The following WNK4 variants were observed in gnomAD, a reference collection of about 807,000 sequenced individuals.
WNK4 encodes the protein WNK lysine deficient protein kinase 4.
A neutral mutation model predicts 116.2 loss-of-function variants in WNK4; 94 were observed. The observed-to-expected ratio is 0.81, with a 90% CI of 0.68 to 0.96. The LOEUF is 0.96. WNK4 is among the 40% of genes least tolerant of loss of function. WNK4 has a pLI of 0.00. For missense variants in WNK4, 1,542 were observed against 1,650.6 expected (o/e 0.93, Z 1.14); for synonymous variants, 655 against 672.7 (o/e 0.97, Z 0.41).
In WNK4 at chr17:42,784,602, G is replaced by A; in HGVS notation, c.1170+23G>A. 1 of 1,613,904 alleles carries A rather than the reference G, an allele frequency of 6.2e-7. No homozygotes were observed. Among genetic ancestry groups the A allele is most frequent in the Non-Finnish European group, 8.5e-7 (1 of 1,179,994 alleles). On this transcript the variant is annotated intron_variant, in intron 4 of 18. Coordinates refer to ENST00000246914, the MANE Select transcript of WNK4 (RefSeq NM_032387.5). This position sits in a 1 kb window ranked among gnomAD's most constrained non-coding sequence, Gnocchi z 4.4. The stretch of plus-strand genomic sequence containing the variant: ...TCGGTGAGAGGGATGGGGCTGGCGG[G>A]AAAGGCAATTCCAGGGCCACTTCCC...
chr17:42,783,010 A>C (rs903364931), intron 2 of WNK4, 80 bp downstream of exon 2: 1 of 1,548,006 alleles, frequency 6.5e-7, no homozygotes, highest in Non-Finnish European at 8.8e-7. Context: ...AGGCTCCTCA[A>C]ACTCTCTAAT....
chr17:42,796,848 A>G lies in WNK4; in HGVS notation c.*160A>G. On this transcript the variant is annotated 3_prime_UTR_variant, in exon 19 of 19. Transcript: ENST00000246914. ...GGCATGGAGAGTGCAGCTCCATTATAGTGAAGAGCCAAACATATGTGAACT... is the reference window on the plus strand; with the variant it reads ...GGCATGGAGAGTGCAGCTCCATTATGGTGAAGAGCCAAACATATGTGAACT... 2 of 1,427,612 alleles carry G rather than the reference A, an allele frequency of 1.4e-6. No homozygotes were observed. Among genetic ancestry groups the G allele is most frequent in the Non-Finnish European group, 1.9e-6 (2 of 1,029,802 alleles). 88.4% of individuals were successfully genotyped at this position (1,427,612 alleles called of 1,614,324 possible). A position where few individuals can be genotyped will look rare whatever the true frequency, so the allele number is the denominator to read the frequency against.
In WNK4 at chr17:42,780,889, C is replaced by T; in HGVS notation, c.191C>T (p.Ser64Leu). The T allele has an allele frequency of 1.2e-6, 2 of 1,606,422 alleles. No individual in the cohort carries two copies. The highest frequency in any genetic ancestry group is 1.7e-6 in the Non-Finnish European group (2 of 1,179,614). ...PRSSRLSRRS[S>L]VDLGLLSSWS... ...TCTTCTCGTCTCAGCCGCCGTAGCT[C>T]AGTCGACTTGGGGCTGCTGAGCTCT... Residue 64 changes from serine to leucine, a missense_variant, in exon 1 of 19, where the codon TCA (serine) becomes TTA (leucine). Physicochemically the swap from Ser to Leu is moderately radical, Grantham distance 145. Coordinates refer to ENST00000246914, the MANE Select transcript of WNK4 (RefSeq NM_032387.5).
chr17:42,788,247 G>A (rs2054573003), intron 9 of WNK4, 43 bp from the exon 10 acceptor site: 3 of 1,613,796 alleles, frequency 1.9e-6, no homozygotes, highest in Middle Eastern at 3.3e-4. Flanking sequence ...TGGGGTCCCA[G>A]TGTCTGCTCT....
At chr17:42,783,900 C>T (rs930832545) in intron 2 of WNK4, 37 bp from the exon 3 acceptor site, 36 of 1,581,520 alleles carry the variant, frequency 2.3e-5, no homozygotes, top group Non-Finnish European at 3.0e-5. Flanking sequence ...GAGGACGTGT[C>T]CCCCCACCAG....
In WNK4 at chr17:42,782,890, G is replaced by T. The variant is rs926556695; in HGVS notation, c.751G>T (p.Val251Leu). ...GGTGCTGAGGGGCCAGGTTTGCATC[G>T]TGCTGGTCACCGAACTCATGACCTC... ...KSVLRGQVCI[V>L]LVTELMTSGT... Residue 251 changes from valine (V) to leucine (L), a missense_variant, in exon 2 of 19, where the codon GTG (valine) becomes TTG (leucine). By Grantham distance (32) the Val-to-Leu change is conservative (BLOSUM62 1). Around this residue, in one of 7 missense-constraint regions of WNK4, gnomAD observed 808 missense variants for 873.6 expected, o/e 0.92. Transcript: ENST00000246914. The surrounding 1 kb of genome is among the most constrained non-coding windows in gnomAD (Gnocchi z 4.2). 22 of 1,614,050 alleles carry T rather than the reference G, an allele frequency of 1.4e-5. No individual in the cohort carries two copies. Among genetic ancestry groups the T allele is most frequent in the Non-Finnish European group, 1.9e-5 (22 of 1,180,042 alleles).
In WNK4 at chr17:42,782,419, AGCCCCCGGGTGCCCCCTCCC is replaced by A. The variant is rs1402540804; in HGVS notation, c.619-333_619-314del. ...GCCCGCCTGCTGCCTGCTCACTGCC[AGCCCCCGGGTGCCCCCTCCC>A]GCCCCATGGCCGGCCTGGGCAGCCA... On this transcript the variant is annotated intron_variant, in intron 1 of 18. Coordinates refer to ENST00000246914, the MANE Select transcript of WNK4 (RefSeq NM_032387.5). The surrounding 1 kb of genome is among the most constrained non-coding windows in gnomAD (Gnocchi z 4.2). Among the ~76,000 whole-genome samples, 1 of 151,702 alleles carries A rather than the reference AGCCCCCGGGTGCCCCCTCCC, an allele frequency of 6.6e-6. No individual in the cohort carries two copies. Among genetic ancestry groups the A allele is most frequent in the Non-Finnish European group, 1.5e-5 (1 of 68,002 alleles).
At chr17:42,785,621 C>A in intron 6 of WNK4, 139 bp downstream of exon 6, 2 of 1,091,824 alleles carry the variant, frequency 1.8e-6, no homozygotes, top group Non-Finnish European at 1.3e-6. Flanking sequence ...TCTCCTGCAG[C>A]GTCTCCCTAC....
chr17:42,788,449 C>A, intron 10 of WNK4, 42 bp downstream of exon 10: 2 of 1,594,270 alleles, frequency 1.3e-6, no homozygotes, highest in Non-Finnish European at 1.7e-6. Flanking sequence ...CCTACAGGGC[C>A]AGGAGGGAAG....
intron 11 of WNK4, 90 bp from the exon 12 acceptor site, chr17:42,793,502 G>A (rs1202915515): frequency 3.5e-5 from 55 of 1,572,038 alleles, no homozygotes; most frequent in Non-Finnish European, 4.5e-5. Context: ...GAGCCACCGC[G>A]CCCAGCCTGA....
At chr17:42,786,415 T>C (rs2054549929) in intron 6 of WNK4, among the ~76,000 whole-genome samples, 1 of 152,058 alleles carries the variant, frequency 6.6e-6, no homozygotes, top group Non-Finnish European at 1.5e-5. Context: ...TTGGGAGTAA[T>C]GGAGTCTCAC....
rs772978517 is a variant in WNK4, at chr17:42,796,732, C to T, written c.*44C>T. ...GTATCTCCCCCACACCAGGGCCCAC[C>T]ATGGAGCTTGTGTTCTCAGAATCTG... On this transcript the variant is annotated 3_prime_UTR_variant, in exon 19 of 19. Coordinates refer to ENST00000246914, the MANE Select transcript of WNK4 (RefSeq NM_032387.5). 5 of 1,614,076 alleles carry T rather than the reference C, an allele frequency of 3.1e-6. No homozygotes were observed. The highest frequency in any genetic ancestry group is 1.1e-5 in the South Asian group (1 of 91,092).
intron 6 of WNK4, among the ~76,000 whole-genome samples, chr17:42,787,000 A>G (rs925324121): frequency 7.2e-5 from 11 of 152,212 alleles, no homozygotes; most frequent in African/African-American, 2.7e-4. Context: ...ATAGTGCCAA[A>G]CATCTCTTCT....
In WNK4 at chr17:42,795,890, TG is replaced by T. The variant is rs1315191413; in HGVS notation, c.3293del (p.Gly1098AlafsTer6). The T allele has an allele frequency of 5.6e-6, 9 of 1,611,524 alleles. No individual in the cohort carries two copies. Among genetic ancestry groups the T allele is most frequent in the Admixed American group, 1.7e-5 (1 of 59,900 alleles). ...EGDDGKEPQV[G>X]GSPQPLSHPS... ...GAGATGATGGGAAGGAACCCCAAGT[TG>T]GGGGCAGCCCCCAACCCCTGAGCCA... On this transcript the variant is annotated frameshift_variant, in exon 16 of 19. Transcript: ENST00000246914. LOFTEE classifies it high-confidence loss of function.
At chr17:42,793,452 C>T (rs955843880) in intron 11 of WNK4, 140 bp from the exon 12 acceptor site, 20 of 1,109,022 alleles carry the variant, frequency 1.8e-5, no homozygotes, top group African/African-American at 9.3e-5. Context: ...TCAGGTGATC[C>T]GCCCGCCTCG....
Position 42,785,123 on chromosome 17 carries a change from G to A in WNK4, c.1197G>A (p.Lys399=), listed in dbSNP as rs183280336. The change falls in exon 5 of 19, where the codon AAG becomes AAA. Residue 399 remains lysine, a synonymous_variant. Transcript: ENST00000246914. ...TSGRKPNSFH[K]VKIPEVKEII... is the part of the protein sequence containing the mutation. ...GCAGAAAGCCGAACAGCTTCCACAA[G>A]GTGAAGATACCCGAGGTGAAGGAGA... 19 of 1,613,828 alleles carry A rather than the reference G, an allele frequency of 1.2e-5. No homozygotes were observed. The highest frequency in any genetic ancestry group is 1.5e-5 in the Non-Finnish European group (18 of 1,179,936).
Position 42,788,784 on chromosome 17 carries a change from T to C in WNK4, c.2144T>C (p.Ile715Thr), listed in dbSNP as rs1441214473. The part of the protein sequence containing the change: ...FDLDGDSPEE[I>T]AAAMVYNEFI... The stretch of plus-strand genomic sequence containing the variant: ...CTGGATGGGGACAGCCCGGAAGAGA[T>C]TGCAGCTGCCATGGTGAGGGGGAGA... The change falls in exon 11 of 19, where the codon ATT becomes ACT. Residue 715 changes from isoleucine (I) to threonine (T), a missense_variant. Physicochemically the swap from Ile to Thr is moderately conservative, Grantham distance 89 (BLOSUM62 -1). This residue lies in a region of WNK4 where 808 missense variants were observed against 873.6 expected (regional missense o/e 0.92). Coordinates refer to ENST00000246914, the MANE Select transcript of WNK4 (RefSeq NM_032387.5). The C allele has an allele frequency of 6.2e-7, 1 of 1,613,932 alleles. No homozygotes were observed. Among genetic ancestry groups the C allele is most frequent in the South Asian group, 1.1e-5 (1 of 91,070 alleles).
In WNK4 at chr17:42,794,929, TC is replaced by T; in HGVS notation, c.2509del (p.His837IlefsTer98). The T allele has an allele frequency of 6.4e-7, 1 of 1,550,864 alleles. No individual in the cohort carries two copies. The highest frequency in any genetic ancestry group is 8.8e-7 in the Non-Finnish European group (1 of 1,137,516). On this transcript the variant is annotated frameshift_variant, in exon 14 of 19. Transcript: ENST00000246914. LOFTEE classifies it high-confidence loss of function. The part of the protein sequence containing the change: ...PIFPITSPPC[H>X]PSPSPFSPIS... ...TCTTCCCCATCACTTCTCCCCCATG[TC>T]ATCCCAGCCCCTCCCCATTCTCCCC...
Position 42,781,311 on chromosome 17 carries a change from C to T in WNK4, c.613C>T (p.Leu205=). ...CACAGTGGAGGTGGCCTGGTGTGAG[C>T]TGCAGGTGCGGCTGGGAGCCCCCTC... ...DTTVEVAWCE[L]QTRKLSRAER... Residue 205 remains leucine, a synonymous_variant, in exon 1 of 19, where the codon CTG becomes TTG. Coordinates refer to ENST00000246914, the MANE Select transcript of WNK4 (RefSeq NM_032387.5). The T allele has an allele frequency of 6.2e-7, 1 of 1,614,142 alleles. No individual in the cohort carries two copies. Among genetic ancestry groups the T allele is most frequent in the Non-Finnish European group, 8.5e-7 (1 of 1,180,024 alleles).
Sources: allele counts gnomAD v4.1 joint callset (sites outside exome capture counted in the v4.1 genomes callset), GRCh38; gene constraint gnomAD v4.1.1; regional missense constraint gnomAD v4.1.1; non-coding constraint Gnocchi (gnomAD v3.1); transcripts MANE v1.5; gene names NCBI Gene and HGNC (gene_info 2026-07-23, HGNC 2026-07-21).